Variants in MYO18A observed in about 807,000 individuals in gnomAD.
MYO18A encodes unconventional myosin-XVIIIa.
A neutral mutation model predicts 235.8 loss-of-function variants in MYO18A; 78 were observed. The observed-to-expected ratio is 0.33, with a 90% CI of 0.28 to 0.40. The LOEUF (loss-of-function observed/expected upper bound fraction) is 0.40, where lower values mean the gene tolerates loss of function less well. Ranked by LOEUF, MYO18A falls within the 10% of genes least tolerant of loss-of-function variation. The probability of loss-of-function intolerance (pLI) is 1.00; values close to 1 mark genes in which losing one functional copy is unlikely to be tolerated. For synonymous variants in MYO18A, 977 were observed against 1,077.8 expected (o/e 0.91, Z 1.83); for missense variants, 2,215 against 2,699.3 (o/e 0.82, Z 3.98).
intron 2 of MYO18A, among the ~76,000 whole-genome samples, 158 bp from the exon 3 acceptor site, chr17:29,122,411 T>C (rs1249902349): frequency 6.6e-6 from 1 of 152,080 alleles, no homozygotes; most frequent in Non-Finnish European, 1.5e-5. Context: ...ATCAGAGGTG[T>C]CTGGGAAAGA....
At chr17:29,141,257 G>A (rs1036021747) in intron 2 of MYO18A, among the ~76,000 whole-genome samples, 21 of 152,160 alleles carry the variant, frequency 1.4e-4, no homozygotes, top group African/African-American at 5.1e-4. Flanking sequence ...AGAAATCCTG[G>A]CCTGGCTCTC....
Position 29,106,165 on chromosome 17 carries a change from G to C in MYO18A, c.3441+915C>G, listed in dbSNP as rs1317637510. 6.6e-6 allele frequency among the ~76,000 whole-genome samples: 1 copy of C among 152,134 alleles called. No homozygotes were observed. Among genetic ancestry groups the C allele is most frequent in the African/African-American group, 2.4e-5 (1 of 41,418 alleles). ...CTGGGATTTATGATTTTGGAGCTGG[G>C]GCATTTCCAGAGCTGATGAGGTACT... On this transcript the variant is annotated intron_variant, in intron 20 of 41. Transcript: ENST00000527372. This position sits in a 1 kb window ranked among gnomAD's most constrained non-coding sequence, Gnocchi z 4.6.
At chr17:29,080,121 G>C in intron 41 of MYO18A, 2 of 985,972 alleles carry the variant, frequency 2.0e-6, no homozygotes, top group Middle Eastern at 5.2e-4. Flanking sequence ...CAGAGGCGGA[G>C]CGGCGGATGC....
chr17:29,092,578 C>T, intron 33 of MYO18A, 122 bp from the exon 34 acceptor site: 1 of 878,570 alleles, frequency 1.1e-6, no homozygotes, highest in East Asian at 2.6e-5. Context: ...CTTCAGACCC[C>T]AGGGCCATGG....
chr17:29,173,128 C>T (rs1481262362), intron 1 of MYO18A, among the ~76,000 whole-genome samples: 4 of 149,284 alleles, frequency 2.7e-5, no homozygotes, highest in Admixed American at 1.3e-4. Flanking sequence ...GAGTTTCGCT[C>T]TTGTTGCCCA....
rs530310364 is a variant in MYO18A at position 29,166,346 on chromosome 17, T to C, written c.595A>G (p.Lys199Glu). The change falls in exon 2 of 42, where the codon AAA (lysine) becomes GAA (glutamate). Residue 199 changes from lysine (K) to glutamate (E), a missense_variant. Coordinates refer to ENST00000527372, the MANE Select transcript of MYO18A (RefSeq NM_078471.4). ...HRSRAPELVT[K>E]KFPVDLRLPP... The stretch of plus-strand genomic sequence containing the variant: ...AGGCGCAGGTCGACTGGGAACTTTT[T>C]AGTCACTAGCTCAGGGGCTCGGGAT... 3.1e-6 allele frequency: 5 copies of C among 1,612,996 alleles called. No homozygotes were observed. The South Asian group carries it at 4.4e-5, about 14-fold the overall frequency.
At position 29,074,949 on chromosome 17, in the gene MYO18A, G is replaced by T. The variant is rs141799818; in HGVS notation, c.6021-35C>A. The T allele has an allele frequency of 0.012, 19,222 of 1,611,846 alleles. 148 individuals are homozygous for T. The highest frequency in any genetic ancestry group is 0.014 in the Non-Finnish European group (16,790 of 1,178,238). ...CCGAGGAATAAGGTTAGGGACAAATGACACTCCTACCATTAAGCACGCACG... is the reference window on the plus strand; with the variant it reads ...CCGAGGAATAAGGTTAGGGACAAATTACACTCCTACCATTAAGCACGCACG... On this transcript the variant is annotated intron_variant, in intron 41 of 41. Transcript: ENST00000527372. The surrounding 1 kb of genome is among the most constrained non-coding windows in gnomAD (Gnocchi z 4.4).
In MYO18A at chr17:29,094,791, G is replaced by C. The variant is rs770715574; in HGVS notation, c.4569C>G (p.Leu1523=). 6.2e-7 allele frequency: 1 copy of C among 1,614,034 alleles called. No individual in the cohort carries two copies. Among genetic ancestry groups the C allele is most frequent in the Non-Finnish European group, 8.5e-7 (1 of 1,179,902 alleles). ...TQKVVSLEAE[L]QDISSQESKD... is the part of the protein sequence containing the mutation. ...TGGACTCTTGGGAAGAAATGTCCTG[G>C]AGCTCTGCCTCTAGAGACACAACCT... is the stretch of plus-strand genomic sequence containing the variant. Residue 1523 remains leucine, a synonymous_variant, in exon 30 of 42, where the codon CTC becomes CTG. Coordinates refer to ENST00000527372, the MANE Select transcript of MYO18A (RefSeq NM_078471.4).
intron 2 of MYO18A, among the ~76,000 whole-genome samples, chr17:29,139,503 C>T (rs1404223534): frequency 6.6e-6 from 1 of 152,068 alleles, no homozygotes; most frequent in Non-Finnish European, 1.5e-5. Flanking sequence ...GTCCTGAGCA[C>T]AGAGAGATAC....
chr17:29,150,516 T>C (rs1272392780), intron 2 of MYO18A, among the ~76,000 whole-genome samples: 1 of 152,218 alleles, frequency 6.6e-6, no homozygotes, highest in Non-Finnish European at 1.5e-5. Context: ...CTCTTCCTTC[T>C]TGAGAGGAAG....
At chr17:29,143,576 T>C (rs1303736138) in intron 2 of MYO18A, among the ~76,000 whole-genome samples, 1 of 152,124 alleles carries the variant, frequency 6.6e-6, no homozygotes, top group Non-Finnish European at 1.5e-5. Flanking sequence ...CTACCTATGA[T>C]CATAAGCGGG....
chr17:29,118,247 G>A lies in MYO18A; in HGVS notation c.1894-58C>T. 5 of 1,568,560 alleles carry A rather than the reference G, an allele frequency of 3.2e-6. No individual in the cohort carries two copies. Among genetic ancestry groups the A allele is most frequent in the Non-Finnish European group, 4.3e-6 (5 of 1,153,866 alleles). On this transcript the variant is annotated intron_variant, in intron 9 of 41. Coordinates refer to ENST00000527372, the MANE Select transcript of MYO18A (RefSeq NM_078471.4). The surrounding 1 kb of genome is among the most constrained non-coding windows in gnomAD (Gnocchi z 4.2). ...CTCCCAGCACACCCCCATGAGGCTG[G>A]GCCCTCAGGGCAAGGCTTGGGTAGA...
In MYO18A at chr17:29,074,440, G is replaced by A; in HGVS notation, c.*330C>T. 3.4e-6 allele frequency: 2 copies of A among 586,890 alleles called. No homozygotes were observed. Among genetic ancestry groups the A allele is most frequent in the South Asian group, 2.3e-5 (1 of 42,570 alleles). The allele number at this position is 586,890 out of a possible 1,614,324, so 36.4% of individuals were successfully genotyped here. ...AACCTGTCCACCGTCCCTGAGCAGGGAGCTGAGAGGGAGGTCAACGTGCTG... is the reference window on the plus strand; with the variant it reads ...AACCTGTCCACCGTCCCTGAGCAGGAAGCTGAGAGGGAGGTCAACGTGCTG... On this transcript the variant is annotated 3_prime_UTR_variant, in exon 42 of 42. Coordinates refer to ENST00000527372, the MANE Select transcript of MYO18A (RefSeq NM_078471.4). The surrounding 1 kb of genome is among the most constrained non-coding windows in gnomAD (Gnocchi z 4.4).
intron 39 of MYO18A, 136 bp from the exon 40 acceptor site, chr17:29,085,784 T>A (rs756159625): frequency 2.7e-4 from 227 of 826,212 alleles, no homozygotes; most frequent in Non-Finnish European, 4.2e-4. Context: ...TGAGACCAGG[T>A]AGTGGGATGC....
chr17:29,148,581 T>TG (rs1455016374), intron 2 of MYO18A, among the ~76,000 whole-genome samples: 10 of 115,422 alleles, frequency 8.7e-5, no homozygotes, highest in Non-Finnish European at 5.3e-5. Context: ...CCTTTATTCT[T>TG]TTGTGTGTGT....
chr17:29,131,287 G>A, intron 2 of MYO18A: 17 of 713,870 alleles, frequency 2.4e-5, no homozygotes, highest in Non-Finnish European at 2.9e-5. Flanking sequence ...GTGGGTGCAG[G>A]GGCAAACACA....
chr17:29,107,347 G>C (rs1598313047), intron 19 of MYO18A, 158 bp from the exon 20 acceptor site: 7 of 652,464 alleles, frequency 1.1e-5, no homozygotes, highest in East Asian at 2.8e-5. Context: ...GAAAGGAGAG[G>C]GGGTAGGCAG....
Position 29,121,396 on chromosome 17 carries a change from G to T in MYO18A, c.1371+151C>A. Reference sequence around the variant, plus strand: ...GGACTCCATCAAAGGTTGTGGGGAGGTCCTGTCCCCCATCTCTTGAAATGA... The same window carrying T: ...GGACTCCATCAAAGGTTGTGGGGAGTTCCTGTCCCCCATCTCTTGAAATGA... On this transcript the variant is annotated intron_variant, in intron 5 of 41. Transcript: ENST00000527372. This position sits in a 1 kb window ranked among gnomAD's most constrained non-coding sequence, Gnocchi z 4.2. The T allele has an allele frequency of 2.8e-6, 3 of 1,052,636 alleles. No homozygotes were observed. The highest frequency in any genetic ancestry group is 4.1e-6 in the Non-Finnish European group (3 of 733,426). The allele number at this position is 1,052,636 out of a possible 1,614,324, so 65.2% of individuals were successfully genotyped here.
At chr17:29,153,781 A>G (rs1282767278) in intron 2 of MYO18A, among the ~76,000 whole-genome samples, 1 of 152,222 alleles carries the variant, frequency 6.6e-6, no homozygotes, top group African/African-American at 2.4e-5. Context: ...CTGTTTCTAC[A>G]GCAACAATGA....
Sources: allele counts gnomAD v4.1 joint callset (sites outside exome capture counted in the v4.1 genomes callset), GRCh38; gene constraint gnomAD v4.1.1; non-coding constraint Gnocchi (gnomAD v3.1); transcripts MANE v1.5; gene names NCBI Gene and HGNC (gene_info 2026-07-23, HGNC 2026-07-21).